The following RSBN1L variants were observed in gnomAD, a reference collection of about 807,000 sequenced individuals.
RSBN1L encodes the protein round spermatid basic protein 1 like.
RSBN1L carries 30 observed loss-of-function variants against 67.7 expected under a neutral mutation model. The ratio of observed to expected loss-of-function variants is 0.44; its 90% CI spans 0.33 to 0.60. The LOEUF is 0.60. Among genes scored for constraint, RSBN1L ranks in the 20% least tolerant of loss-of-function variants. RSBN1L has a pLI of 0.02. For missense variants in RSBN1L, 992 were observed against 1,031.7 expected (o/e 0.96, Z 0.53); for synonymous variants, 433 against 387.0 (o/e 1.12, Z -1.39).
chr7:77,757,432 T>C (rs1453607663), intron 3 of RSBN1L, among the ~76,000 whole-genome samples: 1 of 152,214 alleles, frequency 6.6e-6, no homozygotes, highest in East Asian at 1.9e-4. Flanking sequence ...AGGTTAGTGA[T>C]ATATTAGGAA....
intron 3 of RSBN1L, among the ~76,000 whole-genome samples, chr7:77,757,288 G>T (rs905889929): frequency 6.6e-6 from 1 of 152,132 alleles, no homozygotes; most frequent in East Asian, 1.9e-4. Context: ...TTCGGTTTTG[G>T]AATTCTTTTT....
intron 3 of RSBN1L, among the ~76,000 whole-genome samples, chr7:77,761,989 G>A (rs1245484908): frequency 1.3e-5 from 2 of 152,028 alleles, no homozygotes; most frequent in African/African-American, 4.8e-5. Flanking sequence ...ACATGTGAGA[G>A]CTAAGCAGTT....
chr7:77,723,339 A>G (rs1392343498), intron 1 of RSBN1L, among the ~76,000 whole-genome samples: 2 of 152,156 alleles, frequency 1.3e-5, no homozygotes, highest in African/African-American at 2.4e-5. Context: ...GAACCTATAT[A>G]AAGAATTTCC....
chr7:77,758,992 T>C (rs1378245252), intron 3 of RSBN1L, among the ~76,000 whole-genome samples: 1 of 152,234 alleles, frequency 6.6e-6, no homozygotes, highest in Non-Finnish European at 1.5e-5. Context: ...TGTATTGTGG[T>C]TCTAAGTTAT....
chr7:77,697,071 G>C lies in RSBN1L; in HGVS notation c.586+16G>C. 3 of 1,386,928 alleles carry C rather than the reference G, an allele frequency of 2.2e-6. No homozygotes were observed. The highest frequency in any genetic ancestry group is 2.8e-6 in the Non-Finnish European group (3 of 1,076,236). 85.9% of individuals were successfully genotyped at this position (1,386,928 alleles called of 1,614,324 possible). On this transcript the variant is annotated intron_variant, in intron 1 of 7. Transcript: ENST00000334955. Reference sequence around the variant, plus strand: ...CTGCCCCGAGGTGGGTGCCGTGCGGGGAGGGGGAGGGGAGGGCGCCGTGGG... The same window carrying C: ...CTGCCCCGAGGTGGGTGCCGTGCGGCGAGGGGGAGGGGAGGGCGCCGTGGG...
intron 5 of RSBN1L, among the ~76,000 whole-genome samples, chr7:77,770,613 T>G (rs988040480): frequency 6.7e-6 from 1 of 150,190 alleles, no homozygotes; most frequent in African/African-American, 2.5e-5. Context: ...CCCAGGAGTT[T>G]GAGGCTGCAG....
At chr7:77,698,169 A>G (rs557399039) in intron 1 of RSBN1L, among the ~76,000 whole-genome samples, 1 of 152,378 alleles carries the variant, frequency 6.6e-6, no homozygotes, top group South Asian at 2.1e-4. Context: ...TGCATGTAGC[A>G]ATAGTGTCAC....
In RSBN1L at chr7:77,747,911, CG is replaced by C. The variant is rs200230504; in HGVS notation, c.704-1506del. Among the ~76,000 whole-genome samples the C allele has an allele frequency of 4.7e-5, 7 of 148,424 alleles. No individual in the cohort carries two copies. In the East Asian group the frequency reaches 7.8e-4, roughly 17 times the overall value. On this transcript the variant is annotated intron_variant, in intron 2 of 7. Coordinates refer to ENST00000334955, the MANE Select transcript of RSBN1L (RefSeq NM_198467.3). ...TGATGCTGGCATCTGCTCAGCTTCT[CG>C]GGGGGGAGCTCAGGAAACTTTCAGT...
chr7:77,709,174 G>A (rs188069004), intron 1 of RSBN1L, among the ~76,000 whole-genome samples: 2,169 of 128,480 alleles, frequency 0.017, 57 homozygotes, highest in African/African-American at 0.066. Context: ...GTGTGTGTGT[G>A]TGTGTGTGTG....
intron 1 of RSBN1L, among the ~76,000 whole-genome samples, chr7:77,733,379 ACT>A (rs1422978949): frequency 6.6e-6 from 1 of 151,836 alleles, no homozygotes; most frequent in Non-Finnish European, 1.5e-5. Flanking sequence ...GTTGTCTATA[ACT>A]CTCCTGTCTT....
At chr7:77,731,585 C>G (rs879404789) in intron 1 of RSBN1L, among the ~76,000 whole-genome samples, 9 of 152,122 alleles carry the variant, frequency 5.9e-5, no homozygotes, top group Admixed American at 1.3e-4. Flanking sequence ...TAAAGAGTTA[C>G]CTTTTTTTGG....
At chr7:77,737,547 TGAA>T (rs1287726244) in intron 2 of RSBN1L, among the ~76,000 whole-genome samples, 1 of 152,212 alleles carries the variant, frequency 6.6e-6, no homozygotes, top group Admixed American at 6.5e-5. Flanking sequence ...CTTTCAACCT[TGAA>T]GAAATACGTC....
intron 1 of RSBN1L, among the ~76,000 whole-genome samples, chr7:77,700,496 G>T (rs1434107335): frequency 1.3e-5 from 2 of 152,174 alleles, no homozygotes; most frequent in Non-Finnish European, 2.9e-5. Context: ...AATGAAAATA[G>T]CAGCTTTTCT....
chr7:77,768,373 A>G lies in RSBN1L; in HGVS notation c.1483-288A>G, dbSNP rs539285739. 99 of 256,318 alleles carry G rather than the reference A, an allele frequency of 3.9e-4. No homozygotes were observed. The South Asian group carries it at 8.0e-3, about 21-fold the overall frequency. The allele number at this position is 256,318 out of a possible 1,614,324, so 15.9% of individuals were successfully genotyped here. A position where few individuals can be genotyped will look rare whatever the true frequency, so the allele number is the denominator to read the frequency against. On this transcript the variant is annotated intron_variant, in intron 4 of 7. Coordinates refer to ENST00000334955, the MANE Select transcript of RSBN1L (RefSeq NM_198467.3). The stretch of plus-strand genomic sequence containing the variant: ...TTAGTCCGTTAACATCATATGATCT[A>G]TATGGTAGAAGGAAGAATAACAAAT...
At chr7:77,770,162 C>T (rs1357447320) in intron 5 of RSBN1L, among the ~76,000 whole-genome samples, 1 of 151,956 alleles carries the variant, frequency 6.6e-6, no homozygotes, top group Non-Finnish European at 1.5e-5. Flanking sequence ...TACCTGAAGT[C>T]AGGAGTTTGA....
chr7:77,707,115 C>T (rs1383924188), intron 1 of RSBN1L, among the ~76,000 whole-genome samples: 2 of 151,658 alleles, frequency 1.3e-5, no homozygotes, highest in Non-Finnish European at 2.9e-5. Context: ...CCTCTGCCTC[C>T]CAGGTTCAAG....
intron 6 of RSBN1L, among the ~76,000 whole-genome samples, chr7:77,774,642 C>T (rs1256014651): frequency 1.3e-5 from 2 of 152,152 alleles, no homozygotes; most frequent in African/African-American, 2.4e-5. Flanking sequence ...GAGGCTGAGG[C>T]AGGAGAAGTG....
chr7:77,750,572 T>G (rs754080424), intron 3 of RSBN1L, among the ~76,000 whole-genome samples: 2 of 152,140 alleles, frequency 1.3e-5, no homozygotes, highest in Non-Finnish European at 2.9e-5. Flanking sequence ...TGAGCTAATT[T>G]TCATTTCCTA....
chr7:77,773,841 C>T (rs12539146), intron 6 of RSBN1L, among the ~76,000 whole-genome samples: 25,267 of 152,154 alleles, frequency 0.17, 2,440 homozygotes, highest in African/African-American at 0.26. Context: ...ATTTCATGTT[C>T]TAAGTGACTA....
Sources: gnomAD v4.1 joint callset for allele counts (sites outside exome capture counted in the v4.1 genomes callset) on GRCh38, gnomAD v4.1.1 for gene constraint, MANE v1.5 for transcripts, NCBI Gene and HGNC (gene_info 2026-07-23, HGNC 2026-07-21) for gene names.